NUP205: variants seen among roughly 807,000 people sequenced by gnomAD.
NUP205 encodes nuclear pore complex protein Nup205.
Under a neutral mutation model 253.8 loss-of-function variants are expected in NUP205, and 76 were observed. That is an observed-to-expected ratio of 0.30 (90% CI 0.25 to 0.36). NUP205 has a LOEUF of 0.36. Among genes scored for constraint, NUP205 ranks in the 10% least tolerant of loss-of-function variants. The pLI, the probability that NUP205 is intolerant of heterozygous loss-of-function variation, is 1.00. For synonymous variants in NUP205, 832 were observed against 850.1 expected (o/e 0.98, Z 0.37); for missense variants, 2,162 against 2,425.5 (o/e 0.89, Z 2.28).
intron 39 of NUP205, among the ~76,000 whole-genome samples, chr7:135,643,700 T>C (rs1319149773): frequency 6.6e-6 from 1 of 152,202 alleles, no homozygotes; most frequent in Admixed American, 6.5e-5. Flanking sequence ...TCTCTGTGCC[T>C]TCAGCATCTT....
At chr7:135,584,808 CTG>C in intron 7 of NUP205, 22 bp from the exon 8 acceptor site, 1 of 1,609,196 alleles carries the variant, frequency 6.2e-7, no homozygotes, top group Non-Finnish European at 8.5e-7. Flanking sequence ...CCTCCATGTA[CTG>C]TGTTTTAAAA....
At chr7:135,590,453 T>C (rs1230444953) in intron 10 of NUP205, among the ~76,000 whole-genome samples, 2 of 152,052 alleles carry the variant, frequency 1.3e-5, no homozygotes, top group African/African-American at 4.8e-5. Context: ...TTAAAGTAAA[T>C]TATAGGCAAA....
chr7:135,600,571 T>C (rs1445830847), intron 15 of NUP205, among the ~76,000 whole-genome samples: 3 of 152,316 alleles, frequency 2.0e-5, no homozygotes, highest in African/African-American at 4.8e-5. Context: ...AATTATAAAT[T>C]GAATATGACT....
At chr7:135,619,397 A>G in intron 28 of NUP205, 26 bp from the exon 29 acceptor site, 2 of 1,594,126 alleles carry the variant, frequency 1.3e-6, no homozygotes, top group Non-Finnish European at 1.7e-6. Flanking sequence ...CAGGATTCTC[A>G]CTCTAATTTG....
At chr7:135,559,999 C>T (rs1301177099) in intron 1 of NUP205, among the ~76,000 whole-genome samples, 2 of 152,050 alleles carry the variant, frequency 1.3e-5, no homozygotes, top group Non-Finnish European at 2.9e-5. Flanking sequence ...GCTGGGATTA[C>T]AGGCGCCCGC....
chr7:135,591,737 G>A lies in NUP205; in HGVS notation c.1624+137G>A, dbSNP rs4410839. 1 allele frequency: 706,347 copies of A among 706,352 alleles called. 353,171 individuals carry two copies. Among genetic ancestry groups the A allele is most frequent in the Middle Eastern group, 1 (3,002 of 3,002 alleles). The allele number at this position is 706,352 out of a possible 1,614,324, so 43.8% of individuals were successfully genotyped here. ...ATTATTTTCATAACAATAGGGTGAA[G>A]GAAGCATGCATACAGCTTTATGCAT... On this transcript the variant is annotated intron_variant, in intron 11 of 42. Coordinates refer to ENST00000285968, the MANE Select transcript of NUP205 (RefSeq NM_015135.3).
chr7:135,638,456 T>C (rs1380887837), intron 37 of NUP205, 101 bp from the exon 38 acceptor site: 9 of 1,110,300 alleles, frequency 8.1e-6, no homozygotes, highest in Non-Finnish European at 1.2e-5. Context: ...TGAGTCATTT[T>C]ACAAATTGAT....
At position 135,557,922 on chromosome 7, in the gene NUP205, G is replaced by A. The variant is rs766647066; in HGVS notation, c.-23G>A. The A allele has an allele frequency of 6.8e-6, 11 of 1,612,650 alleles. No homozygotes were observed. The highest frequency in any genetic ancestry group is 3.3e-4 in the Middle Eastern group (2 of 6,060). On this transcript the variant is annotated 5_prime_UTR_variant, in exon 1 of 43. Coordinates refer to ENST00000285968, the MANE Select transcript of NUP205 (RefSeq NM_015135.3). ...TCCCGGGGCCTCCATGCGGCAGAAG[G>A]GCTCTGTTAGTGCGCCTCTAAGATG...
chr7:135,600,239 C>A (rs945875053), intron 15 of NUP205, among the ~76,000 whole-genome samples: 1 of 152,100 alleles, frequency 6.6e-6, no homozygotes, highest in Non-Finnish European at 1.5e-5. Flanking sequence ...TTTACTGGTA[C>A]ATAGCTTTTA....
chr7:135,602,396 T>G (rs1228098571), intron 17 of NUP205, among the ~76,000 whole-genome samples: 1 of 152,240 alleles, frequency 6.6e-6, no homozygotes, highest in Non-Finnish European at 1.5e-5. Context: ...GATGATGTCC[T>G]GTGTATTGTA....
At chr7:135,558,487 C>T (rs1304624980) in intron 1 of NUP205, among the ~76,000 whole-genome samples, 1 of 152,138 alleles carries the variant, frequency 6.6e-6, no homozygotes, top group East Asian at 1.9e-4. Flanking sequence ...CTTCAGCAGA[C>T]GTCTTCTAAC....
chr7:135,608,783 T>G (rs1246241706), intron 22 of NUP205, among the ~76,000 whole-genome samples: 1 of 151,960 alleles, frequency 6.6e-6, no homozygotes, highest in Non-Finnish European at 1.5e-5. Flanking sequence ...TGTTTATTGT[T>G]TTATTCATTT....
intron 19 of NUP205, 23 bp downstream of exon 19, chr7:135,604,483 T>G (rs1478851784): frequency 6.3e-7 from 1 of 1,593,658 alleles, no homozygotes; most frequent in Admixed American, 1.8e-5. Flanking sequence ...GTTGCTCTTG[T>G]TATTTTTTGG....
intron 1 of NUP205, among the ~76,000 whole-genome samples, chr7:135,559,193 T>G (rs1384451345): frequency 1.3e-5 from 2 of 152,218 alleles, no homozygotes; most frequent in Non-Finnish European, 2.9e-5. Context: ...CTTAGGTGCT[T>G]AAACTACTTA....
chr7:135,644,121 C>T (rs1014513938), intron 39 of NUP205, among the ~76,000 whole-genome samples: 2 of 152,210 alleles, frequency 1.3e-5, no homozygotes, highest in African/African-American at 4.8e-5. Context: ...TTCTACCTAA[C>T]ACCCGGGCAG....
rs376913323 is a variant in NUP205 at position 135,562,219 on chromosome 7, CAG to C, written c.28+4248_28+4249del. Among the ~76,000 whole-genome samples, 377 of 152,198 alleles carry C rather than the reference CAG, an allele frequency of 2.5e-3. 1 individual carries two copies. The highest frequency in any genetic ancestry group is 8.7e-3 in the African/African-American group (360 of 41,526). On this transcript the variant is annotated intron_variant, in intron 1 of 42. Transcript: ENST00000285968. Reference sequence around the variant, plus strand: ...TAAAAAATTATTTTTTATTTTGAGACAGGGGCTCATTCTGTCGCCCAGACTGG... The same window carrying C: ...TAAAAAATTATTTTTTATTTTGAGACGGGCTCATTCTGTCGCCCAGACTGG...
chr7:135,609,727 C>G (rs1794184742), intron 22 of NUP205, among the ~76,000 whole-genome samples: 1 of 151,720 alleles, frequency 6.6e-6, no homozygotes, highest in Non-Finnish European at 1.5e-5. Context: ...TCCTGCTTTT[C>G]TTTTTGTAAT....
rs1806219763 is a variant in NUP205, at chr7:135,578,688, C to T, written c.878-63C>T. 5.9e-6 allele frequency: 7 copies of T among 1,192,190 alleles called. No homozygotes were observed. The East Asian group carries it at 1.5e-4, about 25-fold the overall frequency. The allele number at this position is 1,192,190 out of a possible 1,614,324, so 73.9% of individuals were successfully genotyped here. A position where few individuals can be genotyped will look rare whatever the true frequency, so the allele number is the denominator to read the frequency against. ...ATTTTCTGACTTTTGGATATTATTC[C>T]TGTGTATCAGAAGTGAGAATTTATC... On this transcript the variant is annotated intron_variant, in intron 6 of 42. Transcript: ENST00000285968.
intron 27 of NUP205, 43 bp from the exon 28 acceptor site, chr7:135,618,369 T>TA (rs746959462): frequency 1.3e-6 from 2 of 1,518,476 alleles, no homozygotes; most frequent in South Asian, 1.1e-5. Flanking sequence ...TAACTGATCT[T>TA]ATTTGCCTGT....
Sources: allele counts gnomAD v4.1 joint callset (sites outside exome capture counted in the v4.1 genomes callset), GRCh38; gene constraint gnomAD v4.1.1; transcripts MANE v1.5; gene names NCBI Gene and HGNC (gene_info 2026-07-23, HGNC 2026-07-21).